The following ALMS1 variants were observed in gnomAD, a reference collection of about 807,000 sequenced individuals.
The protein encoded by ALMS1 is ALMS1 centrosome and basal body associated protein.
In ALMS1, 271 loss-of-function variants were observed where a neutral mutation model predicts 352.2. That is an observed-to-expected ratio of 0.77 (90% CI 0.70 to 0.85). ALMS1 has a LOEUF of 0.85. ALMS1 is among the 40% of genes least tolerant of loss of function. The pLI is 0.00. For synonymous variants in ALMS1, 1,865 were observed against 1,761.2 expected (o/e 1.06, Z -1.48); for missense variants, 5,445 against 4,870.7 (o/e 1.12, Z -3.51).
chr2:73,608,221 C>G (rs138023319), intron 21 of ALMS1, among the ~76,000 whole-genome samples: 4 of 152,212 alleles, frequency 2.6e-5, no homozygotes, highest in Admixed American at 6.5e-5. Context: ...TCCTTTCCCC[C>G]CTTTATCCCA....
chr2:73,466,377 C>T (rs2103829543), intron 9 of ALMS1, among the ~76,000 whole-genome samples: 1 of 151,342 alleles, frequency 6.6e-6, no homozygotes, highest in South Asian at 2.1e-4. Context: ...AGCAAGCTAT[C>T]TCAAGGACAA....
Position 73,453,458 on chromosome 2 carries a change from G to C in ALMS1, c.6931G>C (p.Val2311Leu). The C allele has an allele frequency of 6.2e-7, 1 of 1,613,008 alleles. No homozygotes were observed. Among genetic ancestry groups the C allele is most frequent in the Non-Finnish European group, 8.5e-7 (1 of 1,179,372 alleles). Residue 2311 changes from valine (V) to leucine (L), a missense_variant, in exon 8 of 23, where the codon GTA becomes CTA. By Grantham distance (32) the Val-to-Leu change is conservative. Transcript: ENST00000613296. ...CTTCAAAGAACCCTCTTCCACGGGT[G>C]TATCTAATGGTGATTTGCTTCACAG... Reference protein sequence around the residue: ...VCFKEPSSTGVSNGDLLHRQP... With the variant: ...VCFKEPSSTGLSNGDLLHRQP...
chr2:73,540,497 T>C (rs1674149429), intron 12 of ALMS1, among the ~76,000 whole-genome samples: 1 of 152,168 alleles, frequency 6.6e-6, no homozygotes, highest in Non-Finnish European at 1.5e-5. Flanking sequence ...AACATCACGA[T>C]GACAGGATCA....
At chr2:73,508,522 C>G (rs1029774149) in intron 10 of ALMS1, among the ~76,000 whole-genome samples, 2 of 152,096 alleles carry the variant, frequency 1.3e-5, no homozygotes, top group Non-Finnish European at 2.9e-5. Context: ...TTTCTTAATC[C>G]TGAGTTCTAA....
In ALMS1 at chr2:73,452,219, A is replaced by C. The variant is rs1206113616; in HGVS notation, c.5692A>C (p.Asn1898His). 1 of 1,613,818 alleles carries C rather than the reference A, an allele frequency of 6.2e-7. No individual in the cohort carries two copies. Among genetic ancestry groups the C allele is most frequent in the Admixed American group, 1.7e-5 (1 of 59,954 alleles). The change falls in exon 8 of 23, where the codon AAT becomes CAT. Residue 1898 changes from asparagine (N) to histidine (H), a missense_variant. Physicochemically the swap from Asn to His is moderately conservative, Grantham distance 68. Coordinates refer to ENST00000613296, the MANE Select transcript of ALMS1 (RefSeq NM_001378454.1). ...AATAGCATCCTCTAGTTCCTACTCA[A>C]ATAGAGAGAAGGCCAGTATTTTTCA... is the stretch of plus-strand genomic sequence containing the variant. ...IQIASSSSYSNREKASIFHQQ... is the reference protein window; with the variant it reads ...IQIASSSSYSHREKASIFHQQ...
intron 12 of ALMS1, among the ~76,000 whole-genome samples, chr2:73,542,812 GT>G (rs1317890080): frequency 6.6e-6 from 1 of 152,038 alleles, no homozygotes; most frequent in African/African-American, 2.4e-5. Context: ...TACAAGGGAT[GT>G]GAAGGACCTC....
Position 73,424,496 on chromosome 2 carries a change from A to G in ALMS1, c.831A>G (p.Leu277=). 1 of 1,606,746 alleles carries G rather than the reference A, an allele frequency of 6.2e-7. No individual in the cohort carries two copies. Among genetic ancestry groups the G allele is most frequent in the South Asian group, 1.1e-5 (1 of 89,428 alleles). Residue 277 remains leucine (L), a synonymous_variant, in exon 5 of 23, where the codon TTA becomes TTG. Coordinates refer to ENST00000613296, the MANE Select transcript of ALMS1 (RefSeq NM_001378454.1). ...GACCATCGGAAGTTAGTGAAGCTTT[A>G]TTCCAGGCTACTGCAGAAGTAGCTT... ...SSRPSEVSEA[L]FQATAEVASD... is the part of the protein sequence containing the mutation.
At chr2:73,554,542 A>G (rs1029523056) in intron 13 of ALMS1, among the ~76,000 whole-genome samples, 1 of 151,330 alleles carries the variant, frequency 6.6e-6, no homozygotes, top group Non-Finnish European at 1.5e-5. Context: ...CGTCTCTACT[A>G]AAAATACAAA....
rs1196673249 is a variant in ALMS1 at position 73,603,264 on chromosome 2, A to G, written c.12322A>G (p.Lys4108Glu). ...AGTCTTCCTGGCTATCCAGAAGAAC[A>G]AGCCTATCAGCAAGAAGGAAATGAT... is the stretch of plus-strand genomic sequence containing the variant. ...KRVFLAIQKN[K>E]PISKKEMIQR... Residue 4108 changes from lysine to glutamate, a missense_variant, in exon 21 of 23, where the codon AAG (lysine) becomes GAG (glutamate). By Grantham distance (56) the Lys-to-Glu change is moderately conservative (BLOSUM62 1). Transcript: ENST00000613296. 6.2e-7 allele frequency: 1 copy of G among 1,614,160 alleles called. No individual in the cohort carries two copies. The highest frequency in any genetic ancestry group is 8.5e-7 in the Non-Finnish European group (1 of 1,179,990).
intron 1 of ALMS1, among the ~76,000 whole-genome samples, chr2:73,395,076 ATAT>A (rs1417679406): frequency 1.8e-4 from 20 of 108,264 alleles, no homozygotes; most frequent in African/African-American, 8.8e-4. Context: ...ATATATATAT[ATAT>A]TTTTTTTTTT....
At chr2:73,474,188 G>A (rs1337014297) in intron 9 of ALMS1, among the ~76,000 whole-genome samples, 1 of 151,452 alleles carries the variant, frequency 6.6e-6, no homozygotes, top group African/African-American at 2.4e-5. Context: ...AAAACTATGA[G>A]CTTCTTACAA....
chr2:73,423,086 G>A, intron 4 of ALMS1, 112 bp downstream of exon 4: 1 of 919,488 alleles, frequency 1.1e-6, no homozygotes, highest in East Asian at 2.4e-5. Context: ...GATACTCTTA[G>A]GACACGCCCT....
intron 9 of ALMS1, chr2:73,457,003 A>G (rs576417480): frequency 6.6e-6 from 1 of 152,218 alleles, no homozygotes; most frequent in South Asian, 2.1e-4. Flanking sequence ...ATGAAACACA[A>G]TTTCACTTCT....
chr2:73,421,073 A>G (rs1212997240), intron 3 of ALMS1, among the ~76,000 whole-genome samples: 1 of 152,190 alleles, frequency 6.6e-6, no homozygotes, highest in Non-Finnish European at 1.5e-5. Context: ...TTAACTCTTC[A>G]GCTTTGGCCT....
intron 10 of ALMS1, among the ~76,000 whole-genome samples, chr2:73,501,709 C>T (rs768189160): frequency 6.6e-6 from 1 of 152,014 alleles, no homozygotes; most frequent in African/African-American, 2.4e-5. Context: ...TATAGTAAGT[C>T]TTGAAATCAG....
At chr2:73,524,625 G>C (rs1673751811) in intron 11 of ALMS1, among the ~76,000 whole-genome samples, 2 of 152,072 alleles carry the variant, frequency 1.3e-5, no homozygotes, top group South Asian at 4.2e-4. Context: ...GCTAATTTTT[G>C]TATTTTTAGT....
At chr2:73,414,474 T>A (rs1671141219) in intron 2 of ALMS1, among the ~76,000 whole-genome samples, 1 of 18,526 alleles carries the variant, frequency 5.4e-5, no homozygotes, top group African/African-American at 2.4e-4. Context: ...TTTTTTTCCG[T>A]TTTTTTTTTT....
chr2:73,523,692 G>A (rs1475808386), intron 11 of ALMS1, among the ~76,000 whole-genome samples: 5 of 152,030 alleles, frequency 3.3e-5, no homozygotes, highest in South Asian at 2.1e-4. Context: ...GCTTGAACCC[G>A]GAAGGTGGAG....
chr2:73,411,997 A>G (rs958567020), intron 2 of ALMS1, among the ~76,000 whole-genome samples: 3 of 152,192 alleles, frequency 2.0e-5, no homozygotes, highest in African/African-American at 7.2e-5. Context: ...TCCCTGTTAC[A>G]GTGAAATTTT....
Sources: gnomAD v4.1 joint callset for allele counts (sites outside exome capture counted in the v4.1 genomes callset) on GRCh38, gnomAD v4.1.1 for gene constraint, MANE v1.5 for transcripts, NCBI Gene and HGNC (gene_info 2026-07-23, HGNC 2026-07-21) for gene names.